EYS: variants seen among roughly 807,000 people sequenced by gnomAD.
EYS encodes protein eyes shut homolog.
Under a neutral mutation model 282.1 loss-of-function variants are expected in EYS, and 250 were observed. The observed-to-expected ratio is 0.89, with a 90% CI of 0.80 to 0.98. The LOEUF is 0.98. Among genes scored for constraint, EYS ranks in the 50% least tolerant of loss-of-function variants. The pLI, the probability that EYS is intolerant of heterozygous loss-of-function variation, is 0.00. For missense variants in EYS, 4,016 were observed against 3,709.0 expected (o/e 1.08, Z -2.15); for synonymous variants, 1,355 against 1,282.9 (o/e 1.06, Z -1.20).
chr6:64,777,237 A>C (rs1488490365), intron 22 of EYS, among the ~76,000 whole-genome samples: 1 of 152,182 alleles, frequency 6.6e-6, no homozygotes, highest in Non-Finnish European at 1.5e-5. Context: ...GGGATATAAA[A>C]TAGACAAGGC....
chr6:64,903,735 T>C (rs1276864861), intron 16 of EYS, among the ~76,000 whole-genome samples: 2 of 152,120 alleles, frequency 1.3e-5, no homozygotes, highest in African/African-American at 2.4e-5. Context: ...AACACGGAAT[T>C]GACTGACCTA....
At chr6:63,810,223 T>A (rs951939721) in intron 36 of EYS, among the ~76,000 whole-genome samples, 4 of 141,614 alleles carry the variant, frequency 2.8e-5, no homozygotes, top group African/African-American at 1.1e-4. Context: ...ATCGCGCCAC[T>A]GCACTCCAGC....
At chr6:65,149,157 T>C (rs1488523833) in intron 12 of EYS, among the ~76,000 whole-genome samples, 1 of 152,104 alleles carries the variant, frequency 6.6e-6, no homozygotes, top group Admixed American at 6.6e-5. Context: ...TAGGCTTGAA[T>C]TTCTCCTCAG....
intron 33 of EYS, among the ~76,000 whole-genome samples, chr6:64,004,660 T>C (rs563006687): frequency 1.3e-5 from 2 of 152,254 alleles, no homozygotes; most frequent in East Asian, 3.9e-4. Flanking sequence ...TTCTTTGTGT[T>C]CCCTTTGAGC....
chr6:65,527,173 AC>A (rs1562241512), intron 2 of EYS, among the ~76,000 whole-genome samples: 2 of 152,078 alleles, frequency 1.3e-5, no homozygotes, highest in African/African-American at 4.8e-5. Flanking sequence ...CTCAGCAACA[AC>A]CTCTTGTGGC....
Position 64,591,530 on chromosome 6 carries a change from C to T in EYS, c.4337G>A (p.Arg1446His), listed in dbSNP as rs562707818. 15 of 1,551,278 alleles carry T rather than the reference C, an allele frequency of 9.7e-6. No individual in the cohort carries two copies. The African/African-American group carries it at 1.1e-4, about 11-fold the overall frequency. The change falls in exon 26 of 43, where the codon CGT (arginine) becomes CAT (histidine). Residue 1446 changes from arginine to histidine, a missense_variant. Physicochemically the swap from Arg to His is conservative, Grantham distance 29. Transcript: ENST00000503581. The part of the protein sequence containing the change: ...IELNRQSLLS[R>H]GFLLIAASIS... The stretch of plus-strand genomic sequence containing the variant: ...GGAGGCAGCTATAAGCAGGAATCCA[C>T]GGGAGAGTAATGACTGCCTGTTTAG...
intron 35 of EYS, among the ~76,000 whole-genome samples, chr6:63,957,288 G>T (rs1399480258): frequency 7.1e-6 from 1 of 140,256 alleles, no homozygotes; most frequent in South Asian, 2.3e-4. Flanking sequence ...CCTCAAAAAG[G>T]ACACTTGTTT....
chr6:65,151,114 CATAAA>C (rs1468424595), intron 12 of EYS, among the ~76,000 whole-genome samples: 39 of 151,770 alleles, frequency 2.6e-4, no homozygotes, highest in Non-Finnish European at 3.8e-4. Context: ...ACAATGATTA[CATAAA>C]ATAAGTTTAT....
At chr6:64,551,935 A>T (rs1485439854) in intron 26 of EYS, among the ~76,000 whole-genome samples, 2 of 152,032 alleles carry the variant, frequency 1.3e-5, no homozygotes, top group African/African-American at 4.8e-5. Context: ...TGTGGTTTTG[A>T]TATGCATTTA....
chr6:64,436,141 T>G, intron 28 of EYS, 33 bp downstream of exon 28: 57 of 1,303,692 alleles, frequency 4.4e-5, no homozygotes, highest in Non-Finnish European at 5.8e-5. Flanking sequence ...TGCTACTTAA[T>G]GAGATTAACT....
chr6:65,179,183 C>G (rs1765306898), intron 12 of EYS, among the ~76,000 whole-genome samples: 1 of 151,808 alleles, frequency 6.6e-6, no homozygotes. Flanking sequence ...CCTTCAAAAG[C>G]TAGCAGAAGG....
intron 34 of EYS, among the ~76,000 whole-genome samples, chr6:63,990,388 A>C (rs1027329784): frequency 6.6e-5 from 10 of 151,636 alleles, no homozygotes; most frequent in African/African-American, 2.2e-4. Flanking sequence ...GCATTCATTC[A>C]TTATAGGTCC....
intron 14 of EYS, among the ~76,000 whole-genome samples, chr6:64,965,097 A>C (rs1583339148): frequency 1.3e-5 from 2 of 152,274 alleles, no homozygotes; most frequent in African/African-American, 4.8e-5. Flanking sequence ...GTAATAAATA[A>C]ATGCTATTAA....
chr6:64,218,585 C>T (rs2150331808), intron 31 of EYS, among the ~76,000 whole-genome samples: 1 of 152,302 alleles, frequency 6.6e-6, no homozygotes, highest in South Asian at 2.1e-4. Flanking sequence ...CTCGATCACA[C>T]AAATCAGAAT....
chr6:65,009,066 T>C (rs555020221), intron 13 of EYS, among the ~76,000 whole-genome samples: 1 of 152,128 alleles, frequency 6.6e-6, no homozygotes, highest in African/African-American at 2.4e-5. Context: ...CACGTGAACA[T>C]AGGAGAAGGA....
At chr6:64,727,016 T>A (rs1771779259) in intron 22 of EYS, among the ~76,000 whole-genome samples, 1 of 152,190 alleles carries the variant, frequency 6.6e-6, no homozygotes, top group Non-Finnish European at 1.5e-5. Context: ...TGTCACCGAA[T>A]GGTGAGCAAA....
At chr6:65,272,153 A>G (rs980584750) in intron 12 of EYS, among the ~76,000 whole-genome samples, 5 of 152,232 alleles carry the variant, frequency 3.3e-5, no homozygotes, top group Admixed American at 3.3e-4. Flanking sequence ...TGAGACAAAT[A>G]TTCAAAAGTA....
In EYS at chr6:65,551,274, G is replaced by A. The variant is rs1307149397; in HGVS notation, c.-332-55281C>T. On this transcript the variant is annotated intron_variant, in intron 2 of 42. Transcript: ENST00000503581. ...GCCCAAGGTAATTTACAGATTCAAT[G>A]CCATCCCCATCAAGCTACCAATGAC... Among the ~76,000 whole-genome samples, 8 of 6,890 alleles carry A rather than the reference G, an allele frequency of 1.2e-3. 1 individual carries two copies. The highest frequency in any genetic ancestry group is 8.0e-4 in the Non-Finnish European group (4 of 4,986). 4.5% of individuals were successfully genotyped at this position (6,890 alleles called of 152,430 possible).
At chr6:63,745,530 A>AAC (rs1769190423) in intron 41 of EYS, among the ~76,000 whole-genome samples, 1 of 152,238 alleles carries the variant, frequency 6.6e-6, no homozygotes, top group Admixed American at 6.5e-5. Context: ...AATAACTGTC[A>AAC]ACACACTTTC....
Sources: gnomAD v4.1 joint callset for allele counts (sites outside exome capture counted in the v4.1 genomes callset) on GRCh38, gnomAD v4.1.1 for gene constraint, MANE v1.5 for transcripts, NCBI Gene and HGNC (gene_info 2026-07-23, HGNC 2026-07-21) for gene names.